The following STXBP6 variants were observed in gnomAD, a reference collection of about 807,000 sequenced individuals.
STXBP6 encodes syntaxin-binding protein 6.
Under a neutral mutation model 26.9 loss-of-function variants are expected in STXBP6, and 21 were observed. The observed-to-expected ratio is 0.78, with a 90% CI of 0.55 to 1.12. The LOEUF is 1.12. Among genes scored for constraint, STXBP6 ranks in the 50% most tolerant of loss-of-function variants. STXBP6 has a pLI of 0.00. For missense variants in STXBP6, 232 were observed against 257.9 expected, an observed-to-expected ratio of 0.90 and a Z score of 0.69; for synonymous variants, 97 against 92.6, an observed-to-expected ratio of 1.05 and a Z score of -0.27.
chr14:24,983,177 C>T (rs2074243473), intron 1 of STXBP6, among the ~76,000 whole-genome samples: 1 of 152,110 alleles, frequency 6.6e-6, no homozygotes, highest in South Asian at 2.1e-4. Context: ...AAACATAGAA[C>T]AAACCTTGAA....
intron 2 of STXBP6, among the ~76,000 whole-genome samples, chr14:24,947,169 A>G (rs2073019917): frequency 6.6e-6 from 1 of 152,154 alleles, no homozygotes; most frequent in Non-Finnish European, 1.5e-5. Flanking sequence ...GGAAATAGAA[A>G]GCAAAGGAGA....
chr14:24,896,555 G>T (rs2070998999), intron 2 of STXBP6, among the ~76,000 whole-genome samples: 1 of 152,178 alleles, frequency 6.6e-6, no homozygotes, highest in African/African-American at 2.4e-5. Flanking sequence ...ATTAAGATTT[G>T]AGAACCACTT....
intron 1 of STXBP6, among the ~76,000 whole-genome samples, chr14:24,993,261 C>T (rs748239859): frequency 6.6e-6 from 1 of 152,158 alleles, no homozygotes; most frequent in Non-Finnish European, 1.5e-5. Context: ...TTCCTCGAAA[C>T]GGTTTCCAGT....
chr14:24,851,360 T>C (rs1181077992), intron 4 of STXBP6, among the ~76,000 whole-genome samples: 1 of 151,164 alleles, frequency 6.6e-6, no homozygotes, highest in Non-Finnish European at 1.5e-5. Flanking sequence ...TAGCATTAGG[T>C]ATATCTCCTA....
intron 1 of STXBP6, among the ~76,000 whole-genome samples, chr14:25,034,996 C>G (rs1196405470): frequency 6.6e-6 from 1 of 152,030 alleles, no homozygotes; most frequent in East Asian, 1.9e-4. Flanking sequence ...ACTACAAATA[C>G]AAAAATTAGT....
intron 1 of STXBP6, among the ~76,000 whole-genome samples, chr14:24,990,659 CAAAAAAAAAAAA>C: frequency 1.7e-5 from 1 of 57,338 alleles, no homozygotes; most frequent in African/African-American, 6.5e-5. Flanking sequence ...AACTCCATCT[CAAAAAAAAAAAA>C]AAAAAAAAGA....
chr14:24,972,375 T>TA (rs1389164856), intron 2 of STXBP6, among the ~76,000 whole-genome samples: 1 of 152,198 alleles, frequency 6.6e-6, no homozygotes, highest in African/African-American at 2.4e-5. Context: ...ATGAGGCTGT[T>TA]AGAGTCCCTA....
chr14:24,824,513 T>C (rs1257297145), intron 4 of STXBP6, among the ~76,000 whole-genome samples: 7 of 152,210 alleles, frequency 4.6e-5, no homozygotes, highest in Non-Finnish European at 1.0e-4. Flanking sequence ...CAAAGTCCAT[T>C]AATTATCTGT....
At chr14:24,977,148 G>A (rs968875242) in intron 1 of STXBP6, among the ~76,000 whole-genome samples, 12 of 151,980 alleles carry the variant, frequency 7.9e-5, no homozygotes, top group African/African-American at 2.9e-4. Flanking sequence ...ACAGGCATGA[G>A]CCACCGCGCC....
intron 1 of STXBP6, among the ~76,000 whole-genome samples, chr14:24,992,507 C>T (rs1253032037): frequency 6.6e-6 from 1 of 152,128 alleles, no homozygotes; most frequent in Non-Finnish European, 1.5e-5. Context: ...TATAAAGGAC[C>T]ACTTAGTAAA....
At chr14:25,008,139 C>T (rs1229018971) in intron 1 of STXBP6, among the ~76,000 whole-genome samples, 1 of 148,590 alleles carries the variant, frequency 6.7e-6, no homozygotes, top group Non-Finnish European at 1.5e-5. Flanking sequence ...AAAATGTTAG[C>T]TGCCAGACCC....
At chr14:24,839,739 A>T (rs545823138) in intron 4 of STXBP6, among the ~76,000 whole-genome samples, 18 of 152,202 alleles carry the variant, frequency 1.2e-4, no homozygotes, top group South Asian at 2.1e-4. Flanking sequence ...CAACTTTGGG[A>T]GATAGGTACT....
chr14:24,966,191 T>G (rs1413185964), intron 2 of STXBP6, among the ~76,000 whole-genome samples: 1 of 152,220 alleles, frequency 6.6e-6, no homozygotes, highest in African/African-American at 2.4e-5. Flanking sequence ...TGTTTCCATC[T>G]GGTTTTAGTA....
chr14:24,886,970 G>T (rs146961268), intron 2 of STXBP6, among the ~76,000 whole-genome samples: 1 of 152,202 alleles, frequency 6.6e-6, no homozygotes, highest in African/African-American at 2.4e-5. Flanking sequence ...GAAATCCCTT[G>T]CATTGAGTTT....
In STXBP6 at chr14:25,049,093, C is replaced by T. The variant is rs2075766939; in HGVS notation, c.-33+785G>A. 1 of 937,776 alleles carries T rather than the reference C, an allele frequency of 1.1e-6. No individual in the cohort carries two copies. The highest frequency in any genetic ancestry group is 4.9e-5 in the South Asian group (1 of 20,442). 58.1% of individuals were successfully genotyped at this position (937,776 alleles called of 1,614,324 possible). A position where few individuals can be genotyped will look rare whatever the true frequency, so the allele number is the denominator to read the frequency against. ...TTCTCCTAAAGAACAAGATGTCTTTCCAAATTCTCCACCTGCAGGTCCTGT... is the reference window on the plus strand; with the variant it reads ...TTCTCCTAAAGAACAAGATGTCTTTTCAAATTCTCCACCTGCAGGTCCTGT... On this transcript the variant is annotated intron_variant, in intron 1 of 5. Transcript: ENST00000323944. This position sits in a 1 kb window ranked among gnomAD's most constrained non-coding sequence, Gnocchi z 5.6.
At chr14:25,042,623 G>T (rs1212501768) in intron 1 of STXBP6, among the ~76,000 whole-genome samples, 1 of 152,162 alleles carries the variant, frequency 6.6e-6, no homozygotes, top group African/African-American at 2.4e-5. Context: ...TTCACACTCG[G>T]CCCTGTCCCA....
intron 1 of STXBP6, among the ~76,000 whole-genome samples, chr14:25,018,899 G>A (rs1238269868): frequency 6.6e-6 from 1 of 152,200 alleles, no homozygotes; most frequent in Admixed American, 6.5e-5. Context: ...ATTCTTGGCA[G>A]TTTACAATCT....
At chr14:24,963,970 T>TAAAA (rs768793147) in intron 2 of STXBP6, among the ~76,000 whole-genome samples, 2 of 64,700 alleles carry the variant, frequency 3.1e-5, no homozygotes, top group Non-Finnish European at 6.0e-5. Context: ...AGCAAGTTTC[T>TAAAA]AAAAAAAAAA....
intron 1 of STXBP6, among the ~76,000 whole-genome samples, chr14:24,998,026 T>G (rs1336481624): frequency 6.6e-6 from 1 of 152,212 alleles, no homozygotes; most frequent in Non-Finnish European, 1.5e-5. Flanking sequence ...TGTGCATCTG[T>G]GCAAATATTC....
Sources: gnomAD v4.1 joint callset for allele counts (sites outside exome capture counted in the v4.1 genomes callset) on GRCh38, gnomAD v4.1.1 for gene constraint, Gnocchi (gnomAD v3.1) non-coding constraint, MANE v1.5 for transcripts, NCBI Gene and HGNC (gene_info 2026-07-23, HGNC 2026-07-21) for gene names.